The following NTM variants were observed in gnomAD, a reference collection of about 807,000 sequenced individuals.
The protein encoded by NTM is neurotrimin.
In NTM, 13 loss-of-function variants were observed where a neutral mutation model predicts 42.1. That is an observed-to-expected ratio of 0.31 (90% confidence interval 0.20 to 0.49). NTM has a LOEUF of 0.49. Ranked by LOEUF, NTM falls within the 20% of genes least tolerant of loss-of-function variation. The pLI, the probability that NTM is intolerant of heterozygous loss-of-function variation, is 0.99. For synonymous variants in NTM, 187 were observed against 179.2 expected (o/e 1.04, Z -0.35); for missense variants, 373 against 452.8 (o/e 0.82, Z 1.60).
intron 8 of NTM, among the ~76,000 whole-genome samples, chr11:132,331,412 G>A (rs1198556544): frequency 1.3e-5 from 2 of 152,206 alleles, no homozygotes; most frequent in East Asian, 3.8e-4. Flanking sequence ...AGTTAGAAAA[G>A]GGGAGGAAAG....
chr11:131,623,362 G>A (rs920992064), intron 1 of NTM, among the ~76,000 whole-genome samples: 6 of 152,186 alleles, frequency 3.9e-5, no homozygotes, highest in Admixed American at 6.5e-5. Flanking sequence ...AGTAAAAATC[G>A]TATACAAATA....
chr11:132,286,540 G>A (rs1047970907), intron 4 of NTM, among the ~76,000 whole-genome samples: 6 of 151,756 alleles, frequency 4.0e-5, no homozygotes, highest in African/African-American at 1.5e-4. Context: ...AACACACACA[G>A]CCTCAATGCG....
At chr11:131,914,418 A>G (rs1592812068) in intron 2 of NTM, among the ~76,000 whole-genome samples, 1 of 152,164 alleles carries the variant, frequency 6.6e-6, no homozygotes, top group Non-Finnish European at 1.5e-5. Flanking sequence ...CGCCATATCC[A>G]TCTTCCTATG....
At chr11:132,275,738 A>ATATATATG (rs1565363133) in intron 4 of NTM, among the ~76,000 whole-genome samples, 2 of 66,708 alleles carry the variant, frequency 3.0e-5, no homozygotes, top group South Asian at 5.3e-4. Context: ...ATATATACGT[A>ATATATATG]TATATATATG....
intron 1 of NTM, among the ~76,000 whole-genome samples, chr11:131,404,618 C>T (rs1381915543): frequency 1.3e-5 from 2 of 152,010 alleles, no homozygotes; most frequent in Non-Finnish European, 2.9e-5. Flanking sequence ...AAAGACATCC[C>T]ACACTTAATA....
chr11:131,861,747 AAG>A (rs374646393), intron 1 of NTM, among the ~76,000 whole-genome samples: 2,005 of 152,208 alleles, frequency 0.013, 26 homozygotes, highest in Middle Eastern at 0.058. Context: ...AAGAAAAAAA[AAG>A]AGAGAGAGAA....
At chr11:131,435,968 C>T (rs781044880) in intron 1 of NTM, among the ~76,000 whole-genome samples, 1 of 152,094 alleles carries the variant, frequency 6.6e-6, no homozygotes, top group Admixed American at 6.6e-5. Context: ...TCCGTCAGTA[C>T]CTAGGTTACT....
chr11:132,056,550 A>G (rs561002284), intron 2 of NTM, among the ~76,000 whole-genome samples: 36 of 152,362 alleles, frequency 2.4e-4, no homozygotes, highest in African/African-American at 8.7e-4. Flanking sequence ...AGGATGAGGC[A>G]ATGAATACAT....
intron 2 of NTM, among the ~76,000 whole-genome samples, chr11:132,085,683 T>A (rs2136330328): frequency 6.6e-6 from 1 of 152,342 alleles, no homozygotes; most frequent in East Asian, 1.9e-4. Flanking sequence ...ATTAGAGCTC[T>A]TTTTTATAGA....
chr11:131,576,501 C>T (rs2057946787), intron 1 of NTM, among the ~76,000 whole-genome samples: 1 of 152,206 alleles, frequency 6.6e-6, no homozygotes, highest in Non-Finnish European at 1.5e-5. Context: ...GCTTACCTGT[C>T]TTTCCGCTTC....
At chr11:132,044,150 G>GTA (rs796638692) in intron 2 of NTM, among the ~76,000 whole-genome samples, 8 of 137,240 alleles carry the variant, frequency 5.8e-5, no homozygotes, top group African/African-American at 1.5e-4. Flanking sequence ...GTATGTGCGT[G>GTA]TGTGTGTGTG....
intron 1 of NTM, among the ~76,000 whole-genome samples, chr11:131,718,692 C>A (rs372965068): frequency 6.6e-6 from 1 of 152,060 alleles, no homozygotes; most frequent in East Asian, 1.9e-4. Flanking sequence ...CTCAGGAGTT[C>A]TCTGTGCAGA....
chr11:131,420,169 C>T (rs1947352456), intron 1 of NTM, among the ~76,000 whole-genome samples: 1 of 152,140 alleles, frequency 6.6e-6, no homozygotes, highest in Non-Finnish European at 1.5e-5. Flanking sequence ...AGGAACTTTG[C>T]TGATGTGGTT....
intron 1 of NTM, among the ~76,000 whole-genome samples, chr11:131,581,060 G>A (rs2058363261): frequency 6.6e-6 from 1 of 152,178 alleles, no homozygotes; most frequent in South Asian, 2.1e-4. Context: ...GGGGTATGGG[G>A]TTTGCCACAC....
intron 1 of NTM, among the ~76,000 whole-genome samples, chr11:131,760,642 C>T (rs542427322): frequency 6.6e-5 from 10 of 152,144 alleles, no homozygotes; most frequent in Non-Finnish European, 1.3e-4. Flanking sequence ...ATAGAGATAA[C>T]CCTGCTGAGA....
chr11:132,038,834 T>A (rs1327160412), intron 2 of NTM, among the ~76,000 whole-genome samples: 1 of 152,172 alleles, frequency 6.6e-6, no homozygotes, highest in Non-Finnish European at 1.5e-5. Context: ...CCTGTGTCCC[T>A]CCGTCCCTCC....
At position 131,873,325 on chromosome 11, in the gene NTM, C is replaced by T. The variant is rs564604398; in HGVS notation, c.83-38239C>T. ...GAGCTGAACAATGAGAACACATGGA[C>T]ACAGGGTAGGGAACATCACACACCG... On this transcript the variant is annotated intron_variant, in intron 1 of 8. Transcript: ENST00000683400. Among the ~76,000 whole-genome samples the T allele has an allele frequency of 2.7e-5, 4 of 149,760 alleles. No homozygotes were observed. In the South Asian group the frequency reaches 6.5e-4, roughly 24 times the overall value.
chr11:131,760,942 G>A (rs890976908), intron 1 of NTM, among the ~76,000 whole-genome samples: 1 of 152,160 alleles, frequency 6.6e-6, no homozygotes, highest in Non-Finnish European at 1.5e-5. Context: ...CTAGGGAAAG[G>A]AGGAGCCTTC....
At chr11:131,555,953 C>T (rs911327578) in intron 1 of NTM, among the ~76,000 whole-genome samples, 7 of 152,178 alleles carry the variant, frequency 4.6e-5, no homozygotes. Flanking sequence ...GCCAACGGTG[C>T]TGCCCTTGTT....
Sources: gnomAD v4.1 joint callset for allele counts (sites outside exome capture counted in the v4.1 genomes callset) on GRCh38, gnomAD v4.1.1 for gene constraint, MANE v1.5 for transcripts, NCBI Gene and HGNC (gene_info 2026-07-23, HGNC 2026-07-21) for gene names.